Variants in SLIT2 observed in about 807,000 individuals in gnomAD.
SLIT2 encodes the protein slit homolog 2 protein.
SLIT2 carries 41 observed loss-of-function variants against 185.7 expected under a neutral mutation model. The observed-to-expected ratio is 0.22, with a 90% confidence interval of 0.17 to 0.29. The LOEUF is 0.29. Ranked by LOEUF, SLIT2 falls within the 10% of genes least tolerant of loss-of-function variation. The pLI, the probability that SLIT2 is intolerant of heterozygous loss-of-function variation, is 1.00. For missense variants in SLIT2, 1,571 were observed against 1,909.0 expected, an observed-to-expected ratio of 0.82 and a Z score of 3.30; for synonymous variants, 693 against 680.2, an observed-to-expected ratio of 1.02 and a Z score of -0.29.
intron 9 of SLIT2, among the ~76,000 whole-genome samples, chr4:20,502,011 C>CATA: frequency 1.3e-5 from 2 of 151,986 alleles, no homozygotes; most frequent in Admixed American, 1.3e-4. Flanking sequence ...ACCTAATTTC[C>CATA]CAAGAAGTTA....
At chr4:20,482,741 G>A (rs1422217670) in intron 6 of SLIT2, among the ~76,000 whole-genome samples, 1 of 151,730 alleles carries the variant, frequency 6.6e-6, no homozygotes, top group Non-Finnish European at 1.5e-5. Flanking sequence ...ATAAAAATTA[G>A]CATATGATAG....
chr4:20,425,102 A>G (rs1259383306), intron 4 of SLIT2, among the ~76,000 whole-genome samples: 1 of 152,096 alleles, frequency 6.6e-6, no homozygotes, highest in East Asian at 1.9e-4. Flanking sequence ...ATGAGTGCTC[A>G]TGAAGTTTTA....
intron 29 of SLIT2, among the ~76,000 whole-genome samples, chr4:20,586,189 TAAAG>T (rs990109073): frequency 2.0e-5 from 3 of 152,130 alleles, no homozygotes; most frequent in Admixed American, 6.5e-5. Flanking sequence ...TAAGGAAAAT[TAAAG>T]AAACAGTCCA....
In SLIT2 at chr4:20,618,813, AGCAGGGCTAT is replaced by A; in HGVS notation, c.4397_4406del (p.Gln1466LeufsTer12). On this transcript the variant is annotated frameshift_variant, in exon 37 of 37. Transcript: ENST00000504154. LOFTEE classifies it high-confidence loss of function. ...AGGATAAGAGATTATTACCAAAAGCAGCAGGGCTATGCTGCTTGCCAAACAACCAAGAAGG... is the reference window on the plus strand; with the variant it reads ...AGGATAAGAGATTATTACCAAAAGCAGCTGCTTGCCAAACAACCAAGAAGG... 1 of 1,612,012 alleles carries A rather than the reference AGCAGGGCTAT, an allele frequency of 6.2e-7. No individual in the cohort carries two copies. Among genetic ancestry groups the A allele is most frequent in the Non-Finnish European group, 8.5e-7 (1 of 1,178,174 alleles).
chr4:20,258,303 A>T (rs1219426968), intron 3 of SLIT2, among the ~76,000 whole-genome samples: 1 of 151,662 alleles, frequency 6.6e-6, no homozygotes, highest in Non-Finnish European at 1.5e-5. Flanking sequence ...GGAAGAGAGA[A>T]GTTTTGCTAA....
chr4:20,279,455 T>C (rs1457470874), intron 4 of SLIT2, among the ~76,000 whole-genome samples: 1 of 152,176 alleles, frequency 6.6e-6, no homozygotes, highest in Non-Finnish European at 1.5e-5. Context: ...CTACTAAAGC[T>C]TTCTCAATGG....
In SLIT2 at chr4:20,374,871, C is replaced by G. The variant is rs774825784; in HGVS notation, c.396-92881C>G. 2.4e-4 allele frequency among the ~76,000 whole-genome samples: 37 copies of G among 152,058 alleles called. 1 individual carries two copies. The highest frequency in any genetic ancestry group is 1.6e-4 in the Non-Finnish European group (11 of 67,992). ...GCTTACGTTCACTCGATACATTGAT[C>G]ATTTTTCTGATAACTCTAAAAACCA... On this transcript the variant is annotated intron_variant, in intron 4 of 36. Transcript: ENST00000504154.
intron 5 of SLIT2, among the ~76,000 whole-genome samples, chr4:20,469,406 G>C (rs140476589): frequency 6.6e-6 from 1 of 151,986 alleles, no homozygotes; most frequent in Admixed American, 6.6e-5. Flanking sequence ...TTAAGGATAC[G>C]CATGGAAATA....
chr4:20,517,286 A>G (rs1187274983), intron 11 of SLIT2, among the ~76,000 whole-genome samples: 1 of 152,178 alleles, frequency 6.6e-6, no homozygotes, highest in East Asian at 1.9e-4. Flanking sequence ...GACAGACTCA[A>G]TTGAATTGAG....
intron 20 of SLIT2, 65 bp downstream of exon 20, chr4:20,541,684 C>T: frequency 7.6e-7 from 1 of 1,322,840 alleles, no homozygotes; most frequent in Non-Finnish European, 1.1e-6. Flanking sequence ...TGCAGCTTTG[C>T]ACAAATCTAC....
At chr4:20,511,890 A>C (rs1719789947) in intron 11 of SLIT2, among the ~76,000 whole-genome samples, 1 of 151,978 alleles carries the variant, frequency 6.6e-6, no homozygotes, top group Non-Finnish European at 1.5e-5. Flanking sequence ...TCATCACCTT[A>C]ATACTTTCCT....
Position 20,620,255 on chromosome 4 carries a change from T to C in SLIT2, c.*1246T>C. 1 of 336,848 alleles carries C rather than the reference T, an allele frequency of 3.0e-6. No individual in the cohort carries two copies. The highest frequency in any genetic ancestry group is 2.4e-5 in the South Asian group (1 of 40,870). The allele number at this position is 336,848 out of a possible 1,614,324, so 20.9% of individuals were successfully genotyped here. A position where few individuals can be genotyped will look rare whatever the true frequency, so the allele number is the denominator to read the frequency against. ...TGAGGTGGGGATAAAAAGACTGTCA[T>C]ATCAAGAACTGTGACTTTTCTTTCC... On this transcript the variant is annotated 3_prime_UTR_variant, in exon 37 of 37. Coordinates refer to ENST00000504154, the MANE Select transcript of SLIT2 (RefSeq NM_004787.4).
At chr4:20,350,811 T>C (rs1450447080) in intron 4 of SLIT2, among the ~76,000 whole-genome samples, 1 of 152,040 alleles carries the variant, frequency 6.6e-6, no homozygotes, top group Admixed American at 6.6e-5. Flanking sequence ...GGGCAAGAAG[T>C]AAGACCCCAT....
intron 29 of SLIT2, among the ~76,000 whole-genome samples, chr4:20,574,786 CAAAAAAA>C (rs57022828): frequency 1.3e-4 from 11 of 86,174 alleles, no homozygotes; most frequent in Admixed American, 3.7e-4. Flanking sequence ...GACTCGCTTT[CAAAAAAA>C]AAAAAAAAAA....
intron 4 of SLIT2, among the ~76,000 whole-genome samples, chr4:20,309,935 A>T (rs529021785): frequency 2.6e-5 from 4 of 151,098 alleles, no homozygotes; most frequent in Admixed American, 2.6e-4. Flanking sequence ...AATTTTTTGT[A>T]TTTTTTTAGT....
chr4:20,533,743 C>T, intron 18 of SLIT2, 28 bp downstream of exon 18: 1 of 1,593,472 alleles, frequency 6.3e-7, no homozygotes, highest in Non-Finnish European at 8.6e-7. Context: ...CATTGCAGTT[C>T]TTCTACCAAA....
chr4:20,527,575 A>G (rs566515001), intron 15 of SLIT2, among the ~76,000 whole-genome samples: 8 of 152,228 alleles, frequency 5.3e-5, no homozygotes, highest in East Asian at 3.9e-4. Context: ...GTGAGCCACC[A>G]CACCCGGCCT....
intron 4 of SLIT2, among the ~76,000 whole-genome samples, chr4:20,422,069 C>T (rs1728212055): frequency 6.6e-6 from 1 of 152,106 alleles, no homozygotes; most frequent in Non-Finnish European, 1.5e-5. Context: ...CCTTTTTGTT[C>T]TTCCTCGATC....
chr4:20,381,784 T>G (rs1002564637), intron 4 of SLIT2, among the ~76,000 whole-genome samples: 2 of 152,074 alleles, frequency 1.3e-5, no homozygotes, highest in Non-Finnish European at 2.9e-5. Context: ...TCTACACAGA[T>G]TTTTTTAGAA....
Sources: gnomAD v4.1 joint callset for allele counts (sites outside exome capture counted in the v4.1 genomes callset) on GRCh38, gnomAD v4.1.1 for gene constraint, MANE v1.5 for transcripts, NCBI Gene and HGNC (gene_info 2026-07-23, HGNC 2026-07-21) for gene names.